The following FGD6 variants were observed in gnomAD, a reference collection of about 807,000 sequenced individuals.
FGD6 encodes FYVE, RhoGEF and PH domain containing 6, also known as FYVE, RhoGEF and PH domain-containing protein 6.
A neutral mutation model predicts 149.4 loss-of-function variants in FGD6; 90 were observed. The observed-to-expected ratio is 0.60, with a 90% CI of 0.51 to 0.72. The LOEUF is 0.72. Ranked by LOEUF, FGD6 falls within the 30% of genes least tolerant of loss-of-function variation. The pLI is 0.00. For synonymous variants in FGD6, 527 were observed against 584.0 expected (o/e 0.90, Z 1.41); for missense variants, 1,437 against 1,684.8 (o/e 0.85, Z 2.57).
intron 5 of FGD6, among the ~76,000 whole-genome samples, chr12:95,142,571 C>T (rs1879884007): frequency 6.6e-6 from 1 of 152,234 alleles, no homozygotes; most frequent in African/African-American, 2.4e-5. Flanking sequence ...AGCCACCGTG[C>T]CTGGCAGGCA....
intron 6 of FGD6, 130 bp downstream of exon 6, chr12:95,141,258 G>T: frequency 2.1e-6 from 2 of 968,744 alleles, no homozygotes; most frequent in Non-Finnish European, 3.0e-6. Flanking sequence ...ATCAATCTAT[G>T]GATAACTGCA....
At chr12:95,110,244 G>A (rs1213984778) in intron 9 of FGD6, among the ~76,000 whole-genome samples, 1 of 151,956 alleles carries the variant, frequency 6.6e-6, no homozygotes, top group Non-Finnish European at 1.5e-5. Flanking sequence ...CCAAAGTGCT[G>A]GGATTACAGG....
chr12:95,183,921 A>G (rs1881353183), intron 2 of FGD6, among the ~76,000 whole-genome samples: 2 of 152,216 alleles, frequency 1.3e-5, no homozygotes, highest in Admixed American at 1.3e-4. Flanking sequence ...GCACTGGCAG[A>G]TTTTAATAAG....
rs2056722963 is a variant in FGD6 at position 95,210,915 on chromosome 12, T to G, written c.369A>C (p.Arg123Ser). 5.6e-6 allele frequency: 9 copies of G among 1,614,000 alleles called. No homozygotes were observed. The highest frequency in any genetic ancestry group is 7.6e-6 in the Non-Finnish European group (9 of 1,180,018). Residue 123 changes from arginine to serine, a missense_variant, in exon 2 of 21, where the codon AGA becomes AGC. Coordinates refer to ENST00000343958, the MANE Select transcript of FGD6 (RefSeq NM_018351.4). ...SSECIHKLGHRENLCVKQLVL... is the reference protein window; with the variant it reads ...SSECIHKLGHSENLCVKQLVL... ...CAAGCTGCTTTACACACAAATTCTC[T>G]CTATGGCCCAGCTTATGGATACACT...
rs1360281309 is a variant in FGD6 at position 95,098,472 on chromosome 12, C to A, written c.3498-3778G>T. 2.6e-5 allele frequency among the ~76,000 whole-genome samples: 4 copies of A among 152,314 alleles called. No homozygotes were observed. The East Asian group carries it at 7.7e-4, about 29-fold the overall frequency. ...CAAGATGGTTCTGCACCATCTAAGT[C>A]ACCTGTCCCTCCAGGCTTATCCTGG... On this transcript the variant is annotated intron_variant, in intron 14 of 20. Coordinates refer to ENST00000343958, the MANE Select transcript of FGD6 (RefSeq NM_018351.4).
At chr12:95,088,063 TC>T (rs1439019078) in intron 18 of FGD6, among the ~76,000 whole-genome samples, 1 of 152,202 alleles carries the variant, frequency 6.6e-6, no homozygotes, top group Admixed American at 6.6e-5. Context: ...ATTACATTTC[TC>T]CTTTATACCA....
intron 20 of FGD6, among the ~76,000 whole-genome samples, chr12:95,081,871 C>G (rs1477210334): frequency 2.0e-5 from 3 of 151,922 alleles, no homozygotes; most frequent in African/African-American, 7.3e-5. Flanking sequence ...GGGGTTTTTC[C>G]ATGTTGGTCA....
chr12:95,107,745 A>G (rs930519757), intron 11 of FGD6, 114 bp from the exon 12 acceptor site: 14 of 1,031,276 alleles, frequency 1.4e-5, no homozygotes, highest in Non-Finnish European at 1.5e-5. Flanking sequence ...CTGGGGAGCC[A>G]CAGTTTCCTT....
At chr12:95,086,536 C>CTTTTTTTTT (rs1010739533) in intron 18 of FGD6, among the ~76,000 whole-genome samples, 12 of 105,732 alleles carry the variant, frequency 1.1e-4, no homozygotes, top group Non-Finnish European at 2.0e-4. Flanking sequence ...TTTTTTTTTT[C>CTTTTTTTTT]TTTTTTTTTT....
chr12:95,180,858 T>C (rs1050163300), intron 2 of FGD6, among the ~76,000 whole-genome samples: 2 of 152,158 alleles, frequency 1.3e-5, no homozygotes, highest in South Asian at 2.1e-4. Context: ...TATTTTTATA[T>C]GTATATAAAC....
Position 95,145,744 on chromosome 12 carries a change from G to A in FGD6, c.2686-4205C>T, listed in dbSNP as rs117821327. On this transcript the variant is annotated intron_variant, in intron 5 of 20. Transcript: ENST00000343958. Reference sequence around the variant, plus strand: ...CCAGGCTGGAGTGTGGTACGATCTCGGCTCACTGCAACCTCTGCTCTTGGG... The same window carrying A: ...CCAGGCTGGAGTGTGGTACGATCTCAGCTCACTGCAACCTCTGCTCTTGGG... Among the ~76,000 whole-genome samples the A allele has an allele frequency of 8.2e-3, 1,245 of 151,828 alleles. 9 individuals carry two copies. The highest frequency in any genetic ancestry group is 0.013 in the Non-Finnish European group (868 of 67,944).
intron 14 of FGD6, among the ~76,000 whole-genome samples, chr12:95,096,396 C>G (rs1209068425): frequency 1.3e-5 from 2 of 152,174 alleles, no homozygotes; most frequent in Non-Finnish European, 2.9e-5. Flanking sequence ...TAGAGATCCA[C>G]TTTACAAATA....
At chr12:95,122,880 G>A (rs1023003456) in intron 8 of FGD6, among the ~76,000 whole-genome samples, 16 of 151,798 alleles carry the variant, frequency 1.1e-4, no homozygotes, top group Non-Finnish European at 1.2e-4. Context: ...TCAGGAATTC[G>A]AGACCAGCCT....
intron 3 of FGD6, among the ~76,000 whole-genome samples, chr12:95,171,018 G>A (rs554980242): frequency 1.1e-4 from 16 of 152,232 alleles, no homozygotes; most frequent in South Asian, 6.2e-4. Context: ...ATAAATAAAT[G>A]ATCACTGAGC....
intron 8 of FGD6, among the ~76,000 whole-genome samples, chr12:95,117,980 G>C (rs1217735282): frequency 1.3e-5 from 2 of 151,816 alleles, no homozygotes; most frequent in Non-Finnish European, 2.9e-5. Context: ...GGCAGAGGTT[G>C]CAGTGAGCTG....
At chr12:95,167,636 G>A (rs1699521920) in intron 3 of FGD6, among the ~76,000 whole-genome samples, 1 of 147,424 alleles carries the variant, frequency 6.8e-6, no homozygotes, top group Non-Finnish European at 1.5e-5. Context: ...CTGCAATGGT[G>A]TGATCTCGGC....
intron 2 of FGD6, among the ~76,000 whole-genome samples, chr12:95,175,321 C>A (rs1427282299): frequency 1.3e-5 from 2 of 152,118 alleles, no homozygotes; most frequent in Non-Finnish European, 2.9e-5. Flanking sequence ...ACACAAGAGA[C>A]CCTCAAGAAT....
intron 3 of FGD6, among the ~76,000 whole-genome samples, chr12:95,163,498 G>A (rs1188223232): frequency 1.3e-5 from 2 of 152,068 alleles, no homozygotes; most frequent in African/African-American, 2.4e-5. Flanking sequence ...TCTAGTCTCC[G>A]ATCTAATTCA....
intron 5 of FGD6, among the ~76,000 whole-genome samples, chr12:95,143,270 A>C (rs1879906557): frequency 7.0e-6 from 1 of 143,800 alleles, no homozygotes; most frequent in South Asian, 2.3e-4. Context: ...TACATATATT[A>C]ACCATGAGGT....
Sources: allele counts gnomAD v4.1 joint callset (sites outside exome capture counted in the v4.1 genomes callset), GRCh38; gene constraint gnomAD v4.1.1; transcripts MANE v1.5; gene names NCBI Gene and HGNC (gene_info 2026-07-23, HGNC 2026-07-21).